The following LRRC4C variants were observed in gnomAD, a reference collection of about 807,000 sequenced individuals.
The protein encoded by LRRC4C is leucine-rich repeat-containing protein 4C.
In LRRC4C, 5 loss-of-function variants were observed where a neutral mutation model predicts 33.6. That is an observed-to-expected ratio of 0.15 (90% CI 0.08 to 0.31). The LOEUF (loss-of-function observed/expected upper bound fraction) is 0.31. Ranked by LOEUF, LRRC4C falls within the 10% of genes least tolerant of loss-of-function variation. The pLI is 1.00. For synonymous variants in LRRC4C, 329 were observed against 302.0 expected (o/e 1.09, Z -0.93); for missense variants, 560 against 796.7 (o/e 0.70, Z 3.58).
intron 1 of LRRC4C, among the ~76,000 whole-genome samples, chr11:41,099,555 TG>T (rs1941035524): frequency 6.6e-6 from 1 of 152,150 alleles, no homozygotes; most frequent in African/African-American, 2.4e-5. Context: ...AATCAATAAA[TG>T]TGATTTATCA....
At chr11:40,696,217 G>A (rs1481140923) in intron 2 of LRRC4C, among the ~76,000 whole-genome samples, 1 of 144,750 alleles carries the variant, frequency 6.9e-6, no homozygotes, top group African/African-American at 2.6e-5. Flanking sequence ...ATATGTATAT[G>A]AATTAGCCAA....
chr11:41,431,698 A>G (rs1250547343), intron 1 of LRRC4C, among the ~76,000 whole-genome samples: 1 of 152,026 alleles, frequency 6.6e-6, no homozygotes, highest in Non-Finnish European at 1.5e-5. Flanking sequence ...TTTCTTATTC[A>G]GAGCTTCTCT....
intron 5 of LRRC4C, among the ~76,000 whole-genome samples, chr11:40,151,808 G>A (rs1383485505): frequency 6.6e-6 from 1 of 152,150 alleles, no homozygotes; most frequent in African/African-American, 2.4e-5. Flanking sequence ...CTATTCCTCT[G>A]TGAGTTGTTC....
chr11:41,332,518 T>C (rs893418464), intron 1 of LRRC4C, among the ~76,000 whole-genome samples: 3 of 152,130 alleles, frequency 2.0e-5, no homozygotes, highest in African/African-American at 7.2e-5. Context: ...AGGAAACTCC[T>C]AAGAGCTTCA....
intron 5 of LRRC4C, among the ~76,000 whole-genome samples, chr11:40,224,812 T>G (rs950987477): frequency 2.0e-5 from 3 of 152,210 alleles, no homozygotes; most frequent in Non-Finnish European, 4.4e-5. Flanking sequence ...ACTTGTGATA[T>G]CCATTTATTT....
At chr11:41,405,854 T>TA (rs1282267063) in intron 1 of LRRC4C, among the ~76,000 whole-genome samples, 4 of 152,226 alleles carry the variant, frequency 2.6e-5, no homozygotes, top group Non-Finnish European at 5.9e-5. Context: ...ACTAAGTATA[T>TA]AAAAAATGTA....
chr11:40,912,719 G>A (rs1384773434), intron 2 of LRRC4C, among the ~76,000 whole-genome samples: 11 of 151,740 alleles, frequency 7.2e-5, no homozygotes, highest in Non-Finnish European at 1.0e-4. Context: ...ATGTAAATGG[G>A]CTAAATGCTC....
At chr11:40,353,746 A>G (rs766389934) in intron 3 of LRRC4C, among the ~76,000 whole-genome samples, 2 of 152,134 alleles carry the variant, frequency 1.3e-5, no homozygotes, top group Non-Finnish European at 2.9e-5. Context: ...TATTAAATTT[A>G]TTTGATAGGA....
intron 2 of LRRC4C, among the ~76,000 whole-genome samples, chr11:40,817,409 T>C (rs1175451370): frequency 6.6e-6 from 1 of 152,198 alleles, no homozygotes; most frequent in African/African-American, 2.4e-5. Context: ...CTCATAATGA[T>C]ACTGGGATCT....
chr11:40,310,563 C>T (rs555103315), intron 4 of LRRC4C, among the ~76,000 whole-genome samples: 1 of 152,302 alleles, frequency 6.6e-6, no homozygotes, highest in Admixed American at 6.5e-5. Flanking sequence ...CTCCAATCAT[C>T]TTTATTAAAG....
chr11:40,300,007 C>G (rs1311168164), intron 4 of LRRC4C, among the ~76,000 whole-genome samples: 1 of 152,136 alleles, frequency 6.6e-6, no homozygotes, highest in East Asian at 1.9e-4. Context: ...TGGTTCTGCT[C>G]TACAGGAAGC....
chr11:41,394,290 C>T (rs1341850943), intron 1 of LRRC4C, among the ~76,000 whole-genome samples: 2 of 151,936 alleles, frequency 1.3e-5, no homozygotes, highest in Admixed American at 1.3e-4. Context: ...ACAAAATGGA[C>T]TCTTCCAGCT....
At chr11:40,419,856 T>A (rs1565369780) in intron 3 of LRRC4C, among the ~76,000 whole-genome samples, 1 of 152,196 alleles carries the variant, frequency 6.6e-6, no homozygotes, top group Non-Finnish European at 1.5e-5. Flanking sequence ...GCAGCAATTG[T>A]TCCTTACAGG....
intron 4 of LRRC4C, among the ~76,000 whole-genome samples, chr11:40,294,550 C>A (rs1039125412): frequency 6.6e-6 from 1 of 152,108 alleles, no homozygotes; most frequent in Non-Finnish European, 1.5e-5. Flanking sequence ...ATTGCTTAGC[C>A]GGGCGCGGTG....
chr11:41,192,593 T>C (rs1238693340), intron 1 of LRRC4C, among the ~76,000 whole-genome samples: 1 of 152,062 alleles, frequency 6.6e-6, no homozygotes, highest in Non-Finnish European at 1.5e-5. Context: ...CATCACTGTA[T>C]CTGTACCAGC....
chr11:40,646,716 C>G (rs1310363554), intron 3 of LRRC4C, among the ~76,000 whole-genome samples: 3 of 152,192 alleles, frequency 2.0e-5, no homozygotes, highest in Non-Finnish European at 4.4e-5. Flanking sequence ...ACGCCATTCT[C>G]CTGCCTCAGC....
At chr11:40,706,745 G>T (rs1331716953) in intron 2 of LRRC4C, among the ~76,000 whole-genome samples, 1 of 152,160 alleles carries the variant, frequency 6.6e-6, no homozygotes, top group Non-Finnish European at 1.5e-5. Flanking sequence ...ATTCTGTGAA[G>T]AAAGTCATTG....
At chr11:40,704,107 A>G (rs923591825) in intron 2 of LRRC4C, among the ~76,000 whole-genome samples, 1 of 152,202 alleles carries the variant, frequency 6.6e-6, no homozygotes, top group Admixed American at 6.5e-5. Flanking sequence ...TAAAAAATAC[A>G]GTATAACAAA....
At chr11:41,042,739 A>G (rs1052353380) in intron 1 of LRRC4C, among the ~76,000 whole-genome samples, 1 of 152,134 alleles carries the variant, frequency 6.6e-6, no homozygotes, top group African/African-American at 2.4e-5. Context: ...TCACATCTTA[A>G]TTTGTGTCAG....
Sources: allele counts gnomAD v4.1 joint callset (sites outside exome capture counted in the v4.1 genomes callset), GRCh38; gene constraint gnomAD v4.1.1; transcripts MANE v1.5; gene names NCBI Gene and HGNC (gene_info 2026-07-23, HGNC 2026-07-21).